The following MINAR1 variants were observed in gnomAD, a reference collection of about 807,000 sequenced individuals.
The protein encoded by MINAR1 is major intrinsically disordered Notch2-binding receptor 1.
MINAR1 carries 40 observed loss-of-function variants against 65.1 expected under a neutral mutation model. The observed-to-expected ratio is 0.61, with a 90% CI of 0.48 to 0.80. The LOEUF (loss-of-function observed/expected upper bound fraction) is 0.80, where lower values mean the gene tolerates loss of function less well. Ranked by LOEUF, MINAR1 falls within the 30% of genes least tolerant of loss-of-function variation. The pLI is 0.00. For synonymous variants in MINAR1, 482 were observed against 449.1 expected (o/e 1.07, Z -0.93); for missense variants, 1,128 against 1,148.0 (o/e 0.98, Z 0.25).
upstream of MINAR1, among the ~76,000 whole-genome samples, chr15:79,428,138 G>GTCCT (rs372452968): frequency 5.1e-4 from 77 of 151,926 alleles, 1 homozygote; most frequent in East Asian, 9.7e-4. Flanking sequence ...CAAGATGAAA[G>GTCCT]TCCTTCCTTC....
At chr15:79,449,534 A>G (rs1339052708) in intron 1 of MINAR1, among the ~76,000 whole-genome samples, 1 of 130,350 alleles carries the variant, frequency 7.7e-6, no homozygotes, top group African/African-American at 3.2e-5. Context: ...AGGGCAAGCT[A>G]GCAGAATGCT....
intron 3 of MINAR1, among the ~76,000 whole-genome samples, chr15:79,465,473 AACCTCAGTATT>A (rs1432205743): frequency 6.6e-6 from 1 of 152,024 alleles, no homozygotes; most frequent in Non-Finnish European, 1.5e-5. Context: ...TGTCCCTTGA[AACCTCAGTATT>A]ACCTCTTTTC....
intron 1 of MINAR1, among the ~76,000 whole-genome samples, chr15:79,435,963 A>G (rs76388382): frequency 0.015 from 2,307 of 152,318 alleles, 96 homozygotes; most frequent in East Asian, 0.1. Context: ...GAAATCAGGT[A>G]TGGCCATGTG....
chr15:79,458,937 A>G (rs891138415), intron 2 of MINAR1, among the ~76,000 whole-genome samples: 1 of 152,166 alleles, frequency 6.6e-6, no homozygotes, highest in Non-Finnish European at 1.5e-5. Context: ...ATGATTAGGA[A>G]GTAAAGAAGA....
At chr15:79,466,998 A>AC (rs1303624475) in intron 3 of MINAR1, among the ~76,000 whole-genome samples, 1 of 151,846 alleles carries the variant, frequency 6.6e-6, no homozygotes, top group African/African-American at 2.4e-5. Context: ...CATTGGCTGA[A>AC]CCCCCATGGG....
chr15:79,468,126 GA>G, intron 3 of MINAR1, 60 bp from the exon 4 acceptor site: 1 of 1,375,290 alleles, frequency 7.3e-7, no homozygotes, highest in Non-Finnish European at 1.0e-6. Context: ...TGACTGTCGG[GA>G]CGTCTTTGAC....
At chr15:79,411,563 G>A in the MINAR1 span, 1 of 696,422 alleles carries the variant, frequency 1.4e-6, no homozygotes, top group African/African-American at 1.8e-5. Context: ...AAGCTACGCT[G>A]AAGTGGGAGG....
At chr15:79,446,936 G>C (rs955662511) in intron 1 of MINAR1, among the ~76,000 whole-genome samples, 66 of 152,130 alleles carry the variant, frequency 4.3e-4, no homozygotes, top group African/African-American at 1.4e-3. Flanking sequence ...ACTCAGGCTA[G>C]AGTGCTGTGA....
intron 1 of MINAR1, among the ~76,000 whole-genome samples, chr15:79,433,396 G>T (rs77748840): frequency 0.062 from 9,507 of 152,292 alleles, 298 homozygotes; most frequent in Middle Eastern, 0.078. Flanking sequence ...GTTCAGGTGC[G>T]CTTAATTCAG....
At chr15:79,459,041 G>T (rs996002012) in intron 2 of MINAR1, among the ~76,000 whole-genome samples, 1 of 152,156 alleles carries the variant, frequency 6.6e-6, no homozygotes, top group Non-Finnish European at 1.5e-5. Flanking sequence ...TTAGCCAGGT[G>T]TGGTAACACA....
At chr15:79,461,141 T>G (rs577772425) in intron 2 of MINAR1, among the ~76,000 whole-genome samples, 14 of 152,238 alleles carry the variant, frequency 9.2e-5, no homozygotes. Flanking sequence ...ATTATGTATA[T>G]ATATTGACTG....
At chr15:79,464,282 A>C (rs1895759598) in intron 3 of MINAR1, among the ~76,000 whole-genome samples, 1 of 152,222 alleles carries the variant, frequency 6.6e-6, no homozygotes, top group African/African-American at 2.4e-5. Context: ...GAGTCATTGT[A>C]AGAATTAATA....
chr15:79,456,309 T>G lies in MINAR1; in HGVS notation c.162T>G (p.Ala54=), dbSNP rs1366791258. 6.2e-7 allele frequency: 1 copy of G among 1,614,216 alleles called. No individual in the cohort carries two copies. Among genetic ancestry groups the G allele is most frequent in the Non-Finnish European group, 8.5e-7 (1 of 1,180,044 alleles). The change falls in exon 2 of 4, where the codon GCT becomes GCG. Residue 54 remains alanine (A), a synonymous_variant. Transcript: ENST00000305428. ...AKLRSVLFYT[A]CLDPNFPATL... is the part of the protein sequence containing the mutation. ...TGAGAAGTGTGCTCTTCTACACAGC[T>G]TGTCTCGATCCCAATTTTCCAGCCA...
intron 1 of MINAR1, among the ~76,000 whole-genome samples, chr15:79,439,244 T>G (rs1595933152): frequency 2.1e-4 from 1 of 4,770 alleles, no homozygotes; most frequent in Non-Finnish European, 4.0e-4. Context: ...GGTTGTGGGG[T>G]GTGGGTGGGG....
rs900661724 is a variant in MINAR1 at position 79,470,485 on chromosome 15, C to T, written c.*2101C>T. 2.0e-5 allele frequency: 3 copies of T among 152,126 alleles called. No individual in the cohort carries two copies. The highest frequency in any genetic ancestry group is 7.2e-5 in the African/African-American group (3 of 41,414). 9.4% of individuals were successfully genotyped at this position (152,126 alleles called of 1,614,324 possible). A position where few individuals can be genotyped will look rare whatever the true frequency, so the allele number is the denominator to read the frequency against. On this transcript the variant is annotated 3_prime_UTR_variant, in exon 4 of 4. Transcript: ENST00000305428. ...ATAAGAAAAATCTAGTCAAATCCAC[C>T]CCAAATCTTCCATTTAACAGGTAGG... is the stretch of plus-strand genomic sequence containing the variant.
At chr15:79,446,909 CAG>C (rs1324021819) in intron 1 of MINAR1, among the ~76,000 whole-genome samples, 1 of 151,994 alleles carries the variant, frequency 6.6e-6, no homozygotes, top group Non-Finnish European at 1.5e-5. Context: ...TTTTTTGAGA[CAG>C]AGTCTCACTC....
chr15:79,415,274 AG>A, the MINAR1 span: 1 of 152,224 alleles, frequency 6.6e-6, no homozygotes, highest in East Asian at 1.9e-4. Context: ...ACCTACTGAA[AG>A]GTCGTGACTC....
intron 1 of MINAR1, among the ~76,000 whole-genome samples, chr15:79,454,578 A>C (rs533699282): frequency 8.5e-5 from 13 of 152,316 alleles, no homozygotes; most frequent in African/African-American, 3.1e-4. Flanking sequence ...CACCTTCTCT[A>C]ATGAAGTTTT....
chr15:79,417,148 GC>G, the MINAR1 span: 1 of 152,212 alleles, frequency 6.6e-6, no homozygotes. Flanking sequence ...GCAGGAGGCT[GC>G]TTTCATCTTC....
Sources: allele counts gnomAD v4.1 joint callset (sites outside exome capture counted in the v4.1 genomes callset), GRCh38; gene constraint gnomAD v4.1.1; transcripts MANE v1.5; gene names NCBI Gene and HGNC (gene_info 2026-07-23, HGNC 2026-07-21).